FGF14: variants seen among roughly 807,000 people sequenced by gnomAD.
FGF14 encodes the protein fibroblast growth factor 14.
FGF14 carries 5 observed loss-of-function variants against 25.5 expected under a neutral mutation model. That is an observed-to-expected ratio of 0.20 (90% CI 0.10 to 0.41). The LOEUF (loss-of-function observed/expected upper bound fraction) is 0.41. FGF14 is among the 10% of genes least tolerant of loss of function. The pLI, the probability that FGF14 is intolerant of heterozygous loss-of-function variation, is 1.00. For synonymous variants in FGF14, 138 were observed against 118.3 expected, an observed-to-expected ratio of 1.17 and a Z score of -1.08; for missense variants, 222 against 320.1, an observed-to-expected ratio of 0.69 and a Z score of 2.34.
rs1307137769 is a variant in FGF14 at position 101,929,561 on chromosome 13, C to CTCA, written c.209-54266_209-54265insTGA. On this transcript the variant is annotated intron_variant, in intron 1 of 4. Transcript: ENST00000376131. ...AATATTCATGAAGAGCTATTTTCCA[C>CTCA]ATAGGTTTGCAGTAGACCCACTCAA... 5.6e-4 allele frequency among the ~76,000 whole-genome samples: 85 copies of CTCA among 152,332 alleles called. 1 individual carries two copies. The highest frequency in any genetic ancestry group is 7.9e-4 in the Non-Finnish European group (54 of 68,022).
intron 3 of FGF14, among the ~76,000 whole-genome samples, chr13:101,727,265 G>T (rs1333105664): frequency 6.6e-6 from 1 of 152,054 alleles, no homozygotes; most frequent in African/African-American, 2.4e-5. Context: ...AAATCACAGG[G>T]TGATACATTT....
chr13:102,093,154 G>T (rs1015533211), intron 1 of FGF14, among the ~76,000 whole-genome samples: 18 of 151,956 alleles, frequency 1.2e-4, no homozygotes, highest in African/African-American at 4.3e-4. Flanking sequence ...GTGAAAATTT[G>T]CAAAAACATG....
At chr13:101,917,128 G>C (rs1190218097), upstream of FGF14, among the ~76,000 whole-genome samples, 2 of 151,712 alleles carry the variant, frequency 1.3e-5, no homozygotes, top group Admixed American at 6.6e-5. Flanking sequence ...GGGTCGCGCT[G>C]GGCAGGACTC....
At chr13:101,917,246 C>T (rs933211071), upstream of FGF14, among the ~76,000 whole-genome samples, 2 of 152,100 alleles carry the variant, frequency 1.3e-5, no homozygotes, top group African/African-American at 2.4e-5. Context: ...CTGGAGAGAC[C>T]AATCTTCTCC....
chr13:102,237,260 C>T (rs186775632), intron 1 of FGF14, among the ~76,000 whole-genome samples: 1 of 152,328 alleles, frequency 6.6e-6, no homozygotes, highest in East Asian at 1.9e-4. Context: ...CAGAGTGGGG[C>T]ATTCTTTCTC....
intron 1 of FGF14, among the ~76,000 whole-genome samples, chr13:102,316,527 T>C (rs1465196706): frequency 6.6e-6 from 1 of 152,160 alleles, no homozygotes; most frequent in Non-Finnish European, 1.5e-5. Flanking sequence ...ATCATGCAAG[T>C]TGACTATGAA....
At chr13:102,197,862 G>A (rs2049434354) in intron 1 of FGF14, among the ~76,000 whole-genome samples, 1 of 152,086 alleles carries the variant, frequency 6.6e-6, no homozygotes, top group Non-Finnish European at 1.5e-5. Context: ...AAGCCTCACG[G>A]TACACAGTAG....
chr13:101,847,734 C>A (rs1450924738), intron 3 of FGF14, among the ~76,000 whole-genome samples: 1 of 152,002 alleles, frequency 6.6e-6, no homozygotes, highest in African/African-American at 2.4e-5. Flanking sequence ...ATATCATAGG[C>A]TTTGCCTTAA....
At chr13:102,016,262 C>T (rs1232304703) in intron 1 of FGF14, among the ~76,000 whole-genome samples, 5 of 152,022 alleles carry the variant, frequency 3.3e-5, no homozygotes, top group Admixed American at 1.3e-4. Context: ...CTTCCTGCAC[C>T]ACAATATATA....
At chr13:102,225,054 T>A (rs1159836918) in intron 1 of FGF14, among the ~76,000 whole-genome samples, 1 of 152,114 alleles carries the variant, frequency 6.6e-6, no homozygotes, top group Non-Finnish European at 1.5e-5. Flanking sequence ...AAACAGCACA[T>A]GCTTCCCCAC....
chr13:102,238,728 G>A lies in FGF14; in HGVS notation c.208+162743C>T, dbSNP rs370071962. ...ATTCATTTTTAGAGCAAATTAGCTG[G>A]AGACTTATTAATGTAATTAGTTAGA... On this transcript the variant is annotated intron_variant, in intron 1 of 4. Transcript: ENST00000376131. Among the ~76,000 whole-genome samples, 4 of 152,308 alleles carry A rather than the reference G, an allele frequency of 2.6e-5. No homozygotes were observed. The East Asian group carries it at 5.8e-4, about 22-fold the overall frequency.
intron 1 of FGF14, among the ~76,000 whole-genome samples, chr13:102,351,763 G>A (rs186943170): frequency 1.1e-4 from 17 of 152,338 alleles, no homozygotes; most frequent in Admixed American, 1.1e-3. Context: ...ACAGCTGGCT[G>A]GCCCCAGGGT....
intron 1 of FGF14, among the ~76,000 whole-genome samples, chr13:102,371,025 G>C (rs1318628061): frequency 6.6e-6 from 1 of 151,014 alleles, no homozygotes; most frequent in African/African-American, 2.4e-5. Context: ...TCCACTTCTA[G>C]TGCAACTACA....
At chr13:102,174,135 CTTTTTTTTTT>C (rs35882587) in intron 1 of FGF14, among the ~76,000 whole-genome samples, 1 of 129,418 alleles carries the variant, frequency 7.7e-6, no homozygotes, top group African/African-American at 2.9e-5. Context: ...ATCAGCATTT[CTTTTTTTTTT>C]TTTTTTTGAA....
intron 1 of FGF14, among the ~76,000 whole-genome samples, chr13:101,899,452 CTG>C (rs1214982273): frequency 6.6e-6 from 1 of 151,472 alleles, no homozygotes; most frequent in Non-Finnish European, 1.5e-5. Context: ...AGTTTTAAAA[CTG>C]GAAAAAAATA....
rs1014522141 is a variant in FGF14, at chr13:102,129,793, A to G, written c.209-254497T>C. On this transcript the variant is annotated intron_variant, in intron 1 of 4. Coordinates refer to the FGF14 transcript ENST00000376131. ...ATGGCACATGTATACATATGTAACA[A>G]ACCTGCACATTGTACACATGTACCC... 4.6e-5 allele frequency among the ~76,000 whole-genome samples: 7 copies of G among 152,280 alleles called. No individual in the cohort carries two copies. In the South Asian group the frequency reaches 6.2e-4, roughly 14 times the overall value.
At chr13:101,942,534 T>C (rs189749813) in intron 1 of FGF14, among the ~76,000 whole-genome samples, 1 of 152,352 alleles carries the variant, frequency 6.6e-6, no homozygotes, top group Non-Finnish European at 1.5e-5. Flanking sequence ...TTCTCCAGTG[T>C]ATCTTATGCA....
chr13:102,104,025 C>T (rs1343391504), intron 1 of FGF14, among the ~76,000 whole-genome samples: 5 of 152,242 alleles, frequency 3.3e-5, no homozygotes, highest in African/African-American at 1.2e-4. Flanking sequence ...CCCTCACTTA[C>T]GCACTCCCTA....
At chr13:101,728,197 T>C (rs2035569383) in intron 3 of FGF14, among the ~76,000 whole-genome samples, 2 of 152,172 alleles carry the variant, frequency 1.3e-5, no homozygotes, top group Non-Finnish European at 1.5e-5. Flanking sequence ...TGAGAGCTAA[T>C]AGTTTTCCAA....
Sources: allele counts gnomAD v4.1 joint callset (sites outside exome capture counted in the v4.1 genomes callset), GRCh38; gene constraint gnomAD v4.1.1; transcripts MANE v1.5; gene names NCBI Gene and HGNC (gene_info 2026-07-23, HGNC 2026-07-21).